Variants in GYPE observed in about 807,000 individuals in gnomAD.
GYPE encodes glycophorin-E.
Under a neutral mutation model 11.6 loss-of-function variants are expected in GYPE, and 8 were observed. The ratio of observed to expected loss-of-function variants is 0.69; its 90% CI spans 0.41 to 1.25. GYPE has a LOEUF of 1.25. Among genes scored for constraint, GYPE ranks in the 50% most tolerant of loss-of-function variants. The pLI is 0.01. For synonymous variants in GYPE, 28 were observed against 29.6 expected, an observed-to-expected ratio of 0.94 and a Z score of 0.18; for missense variants, 90 against 92.8, an observed-to-expected ratio of 0.97 and a Z score of 0.12.
intron 3 of GYPE, among the ~76,000 whole-genome samples, chr4:143,874,123 T>G (rs868487783): frequency 2.0e-5 from 3 of 152,162 alleles, no homozygotes; most frequent in Admixed American, 1.3e-4. Context: ...TATATATGTA[T>G]TTAGTTTTGA....
intron 1 of GYPE, among the ~76,000 whole-genome samples, chr4:143,894,530 A>T (rs1053773664): frequency 1.3e-5 from 2 of 152,052 alleles, no homozygotes; most frequent in African/African-American, 4.8e-5. Context: ...CTTCTAACAC[A>T]TAGGACCCTC....
chr4:143,875,793 AC>A (rs1430967973), intron 3 of GYPE, among the ~76,000 whole-genome samples: 1 of 151,840 alleles, frequency 6.6e-6, no homozygotes, highest in Non-Finnish European at 1.5e-5. Context: ...ACACAGCGAA[AC>A]CCCATCTCTG....
chr4:143,902,931 C>T (rs1744923080), intron 1 of GYPE, among the ~76,000 whole-genome samples: 1 of 152,032 alleles, frequency 6.6e-6, no homozygotes. Flanking sequence ...TGGTTCTTAG[C>T]TTCAGAATCT....
intron 1 of GYPE, among the ~76,000 whole-genome samples, chr4:143,901,362 C>G (rs554828366): frequency 2.0e-5 from 3 of 151,986 alleles, no homozygotes; most frequent in Non-Finnish European, 2.9e-5. Flanking sequence ...TATATTAAAA[C>G]TTGTCCTGAT....
At chr4:143,891,008 G>C (rs528519500) in intron 1 of GYPE, among the ~76,000 whole-genome samples, 1 of 152,192 alleles carries the variant, frequency 6.6e-6, no homozygotes, top group South Asian at 2.1e-4. Flanking sequence ...CAGGAATTTA[G>C]ATTGGAAATC....
intron 1 of GYPE, among the ~76,000 whole-genome samples, chr4:143,903,524 C>CAAAAAA (rs11400558): frequency 1.3e-3 from 130 of 98,412 alleles, no homozygotes; most frequent in East Asian, 1.9e-3. Flanking sequence ...TTTTTCATAG[C>CAAAAAA]AAAAAAAAAA....
intron 1 of GYPE, among the ~76,000 whole-genome samples, chr4:143,894,212 T>C (rs1349161076): frequency 2.0e-5 from 3 of 151,146 alleles, no homozygotes; most frequent in Admixed American, 6.6e-5. Context: ...TACATTCGTC[T>C]AAACTTTTTT....
intron 1 of GYPE, among the ~76,000 whole-genome samples, chr4:143,902,406 C>G (rs1042991166): frequency 5.3e-5 from 8 of 151,358 alleles, no homozygotes; most frequent in Non-Finnish European, 1.0e-4. Context: ...GACTGATGTA[C>G]CTGCTGTGGT....
Position 143,876,808 on chromosome 4 carries a change from C to T in GYPE, c.184G>A (p.Val62Met). The change falls in exon 3 of 4, where the codon GTG (valine) becomes ATG (methionine). Residue 62 changes from valine (V) to methionine (M), a missense_variant. By Grantham distance (21) the Val-to-Met change is conservative (BLOSUM62 1). Transcript: ENST00000358615. The part of the protein sequence containing the change: ...WWAMARVIFE[V>M]MLVVVGMIIL... ...ATCATTCCAACAACAACAAGCATCA[C>T]CTCAAAAATAACACGAGCCATCGCC... is the stretch of plus-strand genomic sequence containing the variant. The T allele has an allele frequency of 8.7e-6, 14 of 1,611,776 alleles. No individual in the cohort carries two copies. Among genetic ancestry groups the T allele is most frequent in the Non-Finnish European group, 1.1e-5 (13 of 1,178,442 alleles).
chr4:143,894,274 A>T (rs1420482305), intron 1 of GYPE, among the ~76,000 whole-genome samples: 1 of 151,902 alleles, frequency 6.6e-6, no homozygotes. Flanking sequence ...TGTAGCTTGG[A>T]GTAGTTTGAT....
chr4:143,899,448 T>TA (rs2149916174), intron 1 of GYPE, among the ~76,000 whole-genome samples: 1 of 152,036 alleles, frequency 6.6e-6, no homozygotes, highest in Non-Finnish European at 1.5e-5. Context: ...TGCACATAAT[T>TA]TTTTTTTGCA....
chr4:143,875,657 G>A (rs1445005575), intron 3 of GYPE: 7 of 1,312,308 alleles, frequency 5.3e-6, no homozygotes, highest in Non-Finnish European at 7.4e-6. Flanking sequence ...GTGTTGCCAA[G>A]TTCTTTTGGC....
chr4:143,901,768 T>C (rs1221017251), intron 1 of GYPE, among the ~76,000 whole-genome samples: 2 of 152,020 alleles, frequency 1.3e-5, no homozygotes, highest in African/African-American at 4.8e-5. Context: ...TGAATAATCT[T>C]CTAGAAACCA....
intron 1 of GYPE, among the ~76,000 whole-genome samples, chr4:143,901,834 A>G (rs1434845139): frequency 6.6e-6 from 1 of 152,072 alleles, no homozygotes; most frequent in African/African-American, 2.4e-5. Flanking sequence ...ATTTAAAATC[A>G]CTACGAAGTA....
chr4:143,874,529 A>G (rs757117144), intron 3 of GYPE, among the ~76,000 whole-genome samples: 12 of 152,226 alleles, frequency 7.9e-5, no homozygotes, highest in African/African-American at 2.7e-4. Context: ...ATTTGTGACA[A>G]TCTCTTACTG....
intron 1 of GYPE, among the ~76,000 whole-genome samples, chr4:143,904,601 T>C (rs9997931): frequency 0.62 from 93,615 of 151,820 alleles, 29,559 homozygotes; most frequent in East Asian, 0.77. Context: ...GCTCAGTAGA[T>C]CCTCTCTTCC....
chr4:143,891,381 T>G (rs1350941894), intron 1 of GYPE, among the ~76,000 whole-genome samples: 2 of 147,324 alleles, frequency 1.4e-5, no homozygotes, highest in African/African-American at 5.0e-5. Context: ...CAAGCTGGAG[T>G]GCAGTGGCCT....
chr4:143,891,319 T>TTTTTTTC (rs1560946305), intron 1 of GYPE, among the ~76,000 whole-genome samples: 2 of 14,928 alleles, frequency 1.3e-4, no homozygotes, highest in Non-Finnish European at 4.8e-3. Flanking sequence ...TATTTTGATT[T>TTTTTTTC]TTTTTGTTTC....
intron 3 of GYPE, among the ~76,000 whole-genome samples, chr4:143,873,117 T>C (rs1743673880): frequency 6.6e-6 from 1 of 152,190 alleles, no homozygotes; most frequent in Non-Finnish European, 1.5e-5. Context: ...TTCCATGCCA[T>C]CTCATCCATT....
Sources: allele counts gnomAD v4.1 joint callset (sites outside exome capture counted in the v4.1 genomes callset), GRCh38; gene constraint gnomAD v4.1.1; transcripts MANE v1.5; gene names NCBI Gene and HGNC (gene_info 2026-07-23, HGNC 2026-07-21).